FAT3: variants seen among roughly 807,000 people sequenced by gnomAD.
FAT3 encodes protocadherin Fat 3.
FAT3 carries 95 observed loss-of-function variants against 310.2 expected under a neutral mutation model. The ratio of observed to expected loss-of-function variants is 0.31; its 90% CI spans 0.26 to 0.36. The LOEUF (loss-of-function observed/expected upper bound fraction) is 0.36, where lower values mean the gene tolerates loss of function less well. Ranked by LOEUF, FAT3 falls within the 10% of genes least tolerant of loss-of-function variation. FAT3 has a pLI of 1.00. For missense variants in FAT3, 5,408 were observed against 5,715.6 expected (o/e 0.95, Z 1.74); for synonymous variants, 2,314 against 2,192.9 (o/e 1.06, Z -1.54).
intron 1 of FAT3, among the ~76,000 whole-genome samples, chr11:92,263,393 A>G (rs1373778021): frequency 2.6e-5 from 4 of 152,034 alleles, no homozygotes; most frequent in Non-Finnish European, 4.4e-5. Context: ...AGACAGTTGT[A>G]TATAGAAAAT....
chr11:92,486,887 A>G (rs541172129), intron 2 of FAT3, among the ~76,000 whole-genome samples: 1 of 152,234 alleles, frequency 6.6e-6, no homozygotes, highest in African/African-American at 2.4e-5. Flanking sequence ...TCCCACTCTC[A>G]TCTGGTTCCT....
At chr11:92,264,754 C>A (rs766768350) in intron 1 of FAT3, among the ~76,000 whole-genome samples, 1 of 152,130 alleles carries the variant, frequency 6.6e-6, no homozygotes, top group Non-Finnish European at 1.5e-5. Context: ...CTCCAGGCTC[C>A]TTGTGGAGGT....
At chr11:92,341,304 A>T (rs1948255617) in intron 1 of FAT3, among the ~76,000 whole-genome samples, 1 of 152,114 alleles carries the variant, frequency 6.6e-6, no homozygotes, top group Non-Finnish European at 1.5e-5. Context: ...GATGGAGGGT[A>T]GTTGAGAGGT....
chr11:92,278,404 A>G (rs1389376447), intron 1 of FAT3, among the ~76,000 whole-genome samples: 1 of 152,062 alleles, frequency 6.6e-6, no homozygotes, highest in Non-Finnish European at 1.5e-5. Context: ...TTATTTTTAT[A>G]GGTAGGCCTG....
intron 19 of FAT3, among the ~76,000 whole-genome samples, chr11:92,851,895 T>A (rs950945062): frequency 2.6e-5 from 4 of 152,208 alleles, no homozygotes; most frequent in African/African-American, 9.7e-5. Context: ...AATGGAGCAG[T>A]GTTTGCCACC....
At chr11:92,338,999 T>G (rs1026549974) in intron 1 of FAT3, among the ~76,000 whole-genome samples, 1 of 152,144 alleles carries the variant, frequency 6.6e-6, no homozygotes, top group African/African-American at 2.4e-5. Context: ...CCCCAGAACC[T>G]CTCAATGGCA....
At chr11:92,871,947 G>A (rs544800683) in intron 22 of FAT3, among the ~76,000 whole-genome samples, 1 of 152,008 alleles carries the variant, frequency 6.6e-6, no homozygotes, top group Non-Finnish European at 1.5e-5. Context: ...ATTGAGAGTC[G>A]GATGCGCAGC....
chr11:92,613,505 G>A (rs1052146632), intron 3 of FAT3, among the ~76,000 whole-genome samples: 2 of 151,940 alleles, frequency 1.3e-5, no homozygotes, highest in Non-Finnish European at 1.5e-5. Flanking sequence ...TGTTTTAATC[G>A]CTGTTTTTAA....
intron 3 of FAT3, among the ~76,000 whole-genome samples, chr11:92,593,485 G>T (rs1318788368): frequency 1.3e-5 from 2 of 151,496 alleles, no homozygotes; most frequent in African/African-American, 4.9e-5. Flanking sequence ...ATGTGAGGTG[G>T]TCTAATCCCA....
intron 3 of FAT3, among the ~76,000 whole-genome samples, chr11:92,691,714 T>C (rs1317059019): frequency 1.3e-5 from 2 of 152,188 alleles, no homozygotes; most frequent in African/African-American, 4.8e-5. Context: ...GGTATAGTCA[T>C]AAATCACAAA....
chr11:92,743,213 C>G (rs1945558529), intron 4 of FAT3, among the ~76,000 whole-genome samples: 1 of 152,166 alleles, frequency 6.6e-6, no homozygotes, highest in South Asian at 2.1e-4. Flanking sequence ...ATTCTTCAAA[C>G]TTCTAGGATC....
At chr11:92,526,813 AT>A (rs1167724480) in intron 3 of FAT3, among the ~76,000 whole-genome samples, 2 of 152,172 alleles carry the variant, frequency 1.3e-5, no homozygotes, top group African/African-American at 4.8e-5. Flanking sequence ...TTTGCCAGGA[AT>A]GACATTTTTG....
chr11:92,698,338 C>T (rs1944000154), intron 4 of FAT3, among the ~76,000 whole-genome samples: 1 of 152,162 alleles, frequency 6.6e-6, no homozygotes, highest in Non-Finnish European at 1.5e-5. Context: ...CTGGTCTACT[C>T]CTTTAAATTA....
chr11:92,823,094 A>C (rs1948013027), intron 13 of FAT3, among the ~76,000 whole-genome samples: 1 of 152,194 alleles, frequency 6.6e-6, no homozygotes, highest in Non-Finnish European at 1.5e-5. Context: ...TTGAGAGCAC[A>C]TAAGTGGTGG....
At chr11:92,766,936 G>A (rs145837304) in intron 6 of FAT3, 5 of 152,256 alleles carry the variant, frequency 3.3e-5, no homozygotes, top group Admixed American at 1.3e-4. Flanking sequence ...TTAGTGCCAG[G>A]TGTCCAGAGA....
chr11:92,488,224 C>T (rs999091084), intron 2 of FAT3, among the ~76,000 whole-genome samples: 4 of 152,050 alleles, frequency 2.6e-5, no homozygotes, highest in Non-Finnish European at 4.4e-5. Flanking sequence ...TTAATTCTAC[C>T]GGCAGCCTGA....
At chr11:92,592,769 T>C (rs1939504631) in intron 3 of FAT3, among the ~76,000 whole-genome samples, 1 of 152,178 alleles carries the variant, frequency 6.6e-6, no homozygotes, top group South Asian at 2.1e-4. Context: ...CTTTAGGTAT[T>C]TAAAGATATG....
rs1460745449 is a variant in FAT3 at position 92,837,727 on chromosome 11, C to G, written c.10289C>G (p.Ala3430Gly). 1 of 1,613,964 alleles carries G rather than the reference C, an allele frequency of 6.2e-7. No homozygotes were observed. The highest frequency in any genetic ancestry group is 8.5e-7 in the Non-Finnish European group (1 of 1,179,878). ...GGCATTCCTGCAATGTCATCAACTG[C>G]AACTGTCAACATTGATATTTCTGAT... ...DSGIPAMSST[A>G]TVNIDISDVN... Residue 3430 changes from alanine to glycine, a missense_variant, in exon 17 of 28, where the codon GCA (alanine) becomes GGA (glycine). Physicochemically the swap from Ala to Gly is moderately conservative, Grantham distance 60 (BLOSUM62 0). Transcript: ENST00000525166.
chr11:92,566,518 C>A (rs1955453753), intron 3 of FAT3, among the ~76,000 whole-genome samples: 1 of 150,486 alleles, frequency 6.6e-6, no homozygotes, highest in African/African-American at 2.5e-5. Flanking sequence ...ACTTTCTTCA[C>A]AGAATTGGAA....
Sources: gnomAD v4.1 joint callset for allele counts (sites outside exome capture counted in the v4.1 genomes callset) on GRCh38, gnomAD v4.1.1 for gene constraint, MANE v1.5 for transcripts, NCBI Gene and HGNC (gene_info 2026-07-23, HGNC 2026-07-21) for gene names.